Variants in PAPSS2 observed in about 807,000 individuals in gnomAD.
PAPSS2 encodes the protein 3'-phosphoadenosine 5'-phosphosulfate synthase 2.
PAPSS2 carries 61 observed loss-of-function variants against 66.5 expected under a neutral mutation model. The observed-to-expected ratio is 0.92, with a 90% CI of 0.75 to 1.14. The LOEUF is 1.14. Ranked by LOEUF, PAPSS2 falls within the 50% of genes most tolerant of loss-of-function variation. The pLI, the probability that PAPSS2 is intolerant of heterozygous loss-of-function variation, is 0.00. For missense variants in PAPSS2, 708 were observed against 789.6 expected, an observed-to-expected ratio of 0.90 and a Z score of 1.24; for synonymous variants, 289 against 287.5, an observed-to-expected ratio of 1.01 and a Z score of -0.05.
chr10:87,666,737 C>T (rs564278756), intron 1 of PAPSS2, among the ~76,000 whole-genome samples: 125 of 152,230 alleles, frequency 8.2e-4, no homozygotes, highest in African/African-American at 2.9e-3. Flanking sequence ...CAGCACAACT[C>T]TGAGGTCGTG....
intron 1 of PAPSS2, among the ~76,000 whole-genome samples, chr10:87,689,677 A>G (rs1409268448): frequency 6.7e-6 from 1 of 149,536 alleles, no homozygotes; most frequent in Non-Finnish European, 1.5e-5. Context: ...CAAAAAAAAA[A>G]AAAAAGAAAA....
chr10:87,722,309 G>A (rs1853607054), intron 8 of PAPSS2, among the ~76,000 whole-genome samples: 1 of 152,200 alleles, frequency 6.6e-6, no homozygotes, highest in Non-Finnish European at 1.5e-5. Flanking sequence ...TACATTTGCT[G>A]TGACTGTAAA....
At chr10:87,663,315 T>C (rs1852778539) in intron 1 of PAPSS2, among the ~76,000 whole-genome samples, 1 of 152,104 alleles carries the variant, frequency 6.6e-6, no homozygotes, top group Admixed American at 6.6e-5. Flanking sequence ...TTTTGCCACG[T>C]TGGTCAGGCT....
At chr10:87,701,372 CTTTCTTTCTTTCTT>C (rs1564716777) in intron 1 of PAPSS2, among the ~76,000 whole-genome samples, 224 of 94,404 alleles carry the variant, frequency 2.4e-3, no homozygotes, top group African/African-American at 9.3e-3. Context: ...TTCTTTCTTT[CTTTCTTTCTTTCTT>C]TCTTTCTTTC....
intron 9 of PAPSS2, among the ~76,000 whole-genome samples, chr10:87,730,672 A>G (rs1327768419): frequency 6.6e-6 from 1 of 152,178 alleles, no homozygotes; most frequent in Non-Finnish European, 1.5e-5. Flanking sequence ...AAAGAAATAT[A>G]TTTTGGGGTA....
rs1174780842 is a variant in PAPSS2 at position 87,701,300 on chromosome 10, T to TTTCCTTCC, written c.28-7873_28-7866dup. 3.5e-3 allele frequency among the ~76,000 whole-genome samples: 357 copies of TTTCCTTCC among 102,942 alleles called. 20 individuals are homozygous for TTTCCTTCC. The highest frequency in any genetic ancestry group is 5.1e-3 in the Middle Eastern group (1 of 198). 67.5% of individuals were successfully genotyped at this position (102,942 alleles called of 152,430 possible). A position where few individuals can be genotyped will look rare whatever the true frequency, so the allele number is the denominator to read the frequency against. ...CTCTTTTTTCTTTCTTTCTTTCTTT[T>TTTCCTTCC]TTCCTTCCTTCCTTCCTTCCTTCCT... On this transcript the variant is annotated intron_variant, in intron 1 of 12. Transcript: ENST00000456849.
At position 87,698,018 on chromosome 10, in the gene PAPSS2, T is replaced by C. The variant is rs534180239; in HGVS notation, c.28-11178T>C. 7.9e-5 allele frequency among the ~76,000 whole-genome samples: 12 copies of C among 152,392 alleles called. No homozygotes were observed. In the South Asian group the frequency reaches 2.3e-3, roughly 29 times the overall value. On this transcript the variant is annotated intron_variant, in intron 1 of 12. Transcript: ENST00000456849. ...GGGTTTTCCAACAATTTGCATGTTT[T>C]TCAGATGTTTTGGGAAAAAATTAAA...
At chr10:87,673,688 A>AC (rs1852908445) in intron 1 of PAPSS2, among the ~76,000 whole-genome samples, 109 of 62,616 alleles carry the variant, frequency 1.7e-3, no homozygotes, top group African/African-American at 5.8e-3. Context: ...TTTTTGGCTT[A>AC]CTTTTTTTTT....
Position 87,743,485 on chromosome 10 carries a change from A to T in PAPSS2, c.1335A>T (p.Leu445=). 1 of 1,614,074 alleles carries T rather than the reference A, an allele frequency of 6.2e-7. No individual in the cohort carries two copies. The highest frequency in any genetic ancestry group is 1.1e-5 in the South Asian group (1 of 91,074). Residue 445 remains leucine, a synonymous_variant, in exon 11 of 13, where the codon CTA becomes CTT. Coordinates refer to ENST00000456849, the MANE Select transcript of PAPSS2 (RefSeq NM_001015880.2). ...LERGYKHPVL[L]LHPLGGWTKD... ...GGGGCTACAAGCACCCGGTCCTCCT[A>T]CTACACCCTCTGGGCGGCTGGACCA...
chr10:87,724,395 G>A (rs1268001499), intron 8 of PAPSS2, among the ~76,000 whole-genome samples: 1 of 151,762 alleles, frequency 6.6e-6, no homozygotes, highest in Non-Finnish European at 1.5e-5. Context: ...CTGAAGATGG[G>A]GAGACCTGTG....
rs141013141 is a variant in PAPSS2 at position 87,716,351 on chromosome 10, A to G, written c.865+508A>G. 3.6e-3 allele frequency among the ~76,000 whole-genome samples: 554 copies of G among 152,176 alleles called. 6 individuals carry two copies. The Middle Eastern group carries it at 0.075, about 21-fold the overall frequency. ...ATATTAAAATGGTTTCATCCACTAC[A>G]CTCTAACAAAAGAGCATTAAGGCAG... On this transcript the variant is annotated intron_variant, in intron 7 of 12. Transcript: ENST00000456849.
intron 1 of PAPSS2, chr10:87,661,032 A>T (rs2762528): frequency 3.9e-4 from 176 of 455,722 alleles, no homozygotes; most frequent in African/African-American, 3.3e-3. Context: ...TCTCTAGTAG[A>T]TAGACGTGCA....
chr10:87,689,912 C>T (rs1853148203), intron 1 of PAPSS2, among the ~76,000 whole-genome samples: 1 of 152,122 alleles, frequency 6.6e-6, no homozygotes, highest in South Asian at 2.1e-4. Context: ...ATTGTTCATT[C>T]ATCAGATTGG....
At chr10:87,714,262 C>CT (rs1246612097) in intron 4 of PAPSS2, 80 bp downstream of exon 4, 76 of 1,521,866 alleles carry the variant, frequency 5.0e-5, no homozygotes, top group Non-Finnish European at 6.8e-5. Context: ...AGAAATCTTC[C>CT]TTGAGTTTCA....
Position 87,741,264 on chromosome 10 carries a change from T to C in PAPSS2, c.1116T>C (p.Val372=). 6.2e-7 allele frequency: 1 copy of C among 1,613,852 alleles called. No homozygotes were observed. Among genetic ancestry groups the C allele is most frequent in the South Asian group, 1.1e-5 (1 of 91,070 alleles). ...KMVMESGDWL[V]GGDLQVLEKI... Reference sequence around the variant, plus strand: ...TGATGGAAAGTGGGGACTGGCTGGTTGGTGGAGACCTTCAGGTGCTGGAGA... The same window carrying C: ...TGATGGAAAGTGGGGACTGGCTGGTCGGTGGAGACCTTCAGGTGCTGGAGA... Residue 372 remains valine, a synonymous_variant, in exon 10 of 13, where the codon GTT becomes GTC. Coordinates refer to ENST00000456849, the MANE Select transcript of PAPSS2 (RefSeq NM_001015880.2).
intron 1 of PAPSS2, among the ~76,000 whole-genome samples, chr10:87,665,491 G>C (rs971226410): frequency 6.6e-6 from 1 of 152,148 alleles, no homozygotes; most frequent in Non-Finnish European, 1.5e-5. Flanking sequence ...GATTACAGGC[G>C]TGAGCCACCG....
At chr10:87,681,197 A>G (rs749610715) in intron 1 of PAPSS2, among the ~76,000 whole-genome samples, 3 of 152,214 alleles carry the variant, frequency 2.0e-5, no homozygotes, top group Non-Finnish European at 2.9e-5. Context: ...CCTGCTGTAC[A>G]TAGCGTTGGA....
intron 7 of PAPSS2, among the ~76,000 whole-genome samples, chr10:87,717,309 T>C (rs763550559): frequency 3.3e-5 from 5 of 152,184 alleles, no homozygotes; most frequent in Admixed American, 6.5e-5. Flanking sequence ...AGAGGGGGCC[T>C]CATTACAGAC....
chr10:87,713,314 A>G lies in PAPSS2; in HGVS notation c.381+4A>G, dbSNP rs770908209. On this transcript the variant is annotated splice_donor_region_variant and intron_variant, in intron 3 of 12. Transcript: ENST00000456849. ...CTTTATTTCTCCATTCGCAAAGGTA[A>G]AAAAAAAAAAAAAAAAAAAAGGCAC... 13 of 577,204 alleles carry G rather than the reference A, an allele frequency of 2.3e-5. No individual in the cohort carries two copies. Among genetic ancestry groups the G allele is most frequent in the Middle Eastern group, 1.1e-3 (2 of 1,824 alleles). The allele number at this position is 577,204 out of a possible 1,614,324, so 35.8% of individuals were successfully genotyped here.
Sources: allele counts gnomAD v4.1 joint callset (sites outside exome capture counted in the v4.1 genomes callset), GRCh38; gene constraint gnomAD v4.1.1; transcripts MANE v1.5; gene names NCBI Gene and HGNC (gene_info 2026-07-23, HGNC 2026-07-21).